SYNPO2: variants seen among roughly 807,000 people sequenced by gnomAD.
SYNPO2 encodes the protein synaptopodin 2.
A neutral mutation model predicts 85.0 loss-of-function variants in SYNPO2; 56 were observed. The ratio of observed to expected loss-of-function variants is 0.66; its 90% confidence interval spans 0.53 to 0.82. The LOEUF (loss-of-function observed/expected upper bound fraction) is 0.82, where lower values mean the gene tolerates loss of function less well. Among genes scored for constraint, SYNPO2 ranks in the 40% least tolerant of loss-of-function variants. The pLI is 0.00. For missense variants in SYNPO2, 1,575 were observed against 1,534.2 expected (o/e 1.03, Z -0.44); for synonymous variants, 602 against 591.1 (o/e 1.02, Z -0.27).
At chr4:118,995,873 TC>T (rs1736568350) in intron 1 of SYNPO2, among the ~76,000 whole-genome samples, 1 of 150,218 alleles carries the variant, frequency 6.7e-6, no homozygotes, top group Admixed American at 6.6e-5. Context: ...TATCTATCTA[TC>T]TATCTATCTA....
intron 1 of SYNPO2, among the ~76,000 whole-genome samples, chr4:118,935,164 CA>C (rs1734058005): frequency 6.6e-6 from 1 of 152,088 alleles, no homozygotes; most frequent in Non-Finnish European, 1.5e-5. Flanking sequence ...ATGATACGGA[CA>C]TAGAGACTCC....
chr4:119,005,724 T>C (rs1050018598), intron 1 of SYNPO2, among the ~76,000 whole-genome samples: 2 of 152,158 alleles, frequency 1.3e-5, no homozygotes, highest in Admixed American at 1.3e-4. Context: ...CTTTTTTGGT[T>C]CCATATGAAC....
chr4:119,057,566 C>T lies in SYNPO2; in HGVS notation c.3418C>T (p.Leu1140Phe), dbSNP rs1328570010. The change falls in exon 5 of 5, where the codon CTC (leucine) becomes TTC (phenylalanine). Residue 1140 changes from leucine (L) to phenylalanine (F), a missense_variant. By Grantham distance (22) the Leu-to-Phe change is conservative (BLOSUM62 0). This residue lies in a region of SYNPO2 where 1,508 missense variants were observed against 1,446.8 expected (regional missense o/e 1.04). Coordinates refer to ENST00000307142, the MANE Select transcript of SYNPO2 (RefSeq NM_133477.3). The stretch of plus-strand genomic sequence containing the variant: ...TTGGGAAGCAGCAGCAAAGTCTCCT[C>T]TCGGTCTAGTGGATGATGCTTTCCA... Reference protein sequence around the residue: ...TPWEAAAKSPLGLVDDAFQPR... With the variant: ...TPWEAAAKSPFGLVDDAFQPR... 4 of 1,614,068 alleles carry T rather than the reference C, an allele frequency of 2.5e-6. No individual in the cohort carries two copies. Among genetic ancestry groups the T allele is most frequent in the Non-Finnish European group, 3.4e-6 (4 of 1,180,032 alleles).
At chr4:118,924,600 A>G (rs756426678) in intron 1 of SYNPO2, among the ~76,000 whole-genome samples, 22 of 152,168 alleles carry the variant, frequency 1.4e-4, no homozygotes, top group Non-Finnish European at 2.5e-4. Context: ...ATCTTTTCAG[A>G]CACTTGACAG....
chr4:118,940,851 C>T (rs956740164), intron 1 of SYNPO2, among the ~76,000 whole-genome samples: 1 of 152,194 alleles, frequency 6.6e-6, no homozygotes, highest in African/African-American at 2.4e-5. Flanking sequence ...TCACCCCCAT[C>T]TCGCTCTGCT....
At chr4:118,871,142 C>A (rs4240322) in intron 1 of SYNPO2, among the ~76,000 whole-genome samples, 130,494 of 152,174 alleles carry the variant, frequency 0.86, 56,067 homozygotes, top group Middle Eastern at 0.93. Flanking sequence ...TATAACAACC[C>A]CTAACAGTGC....
At chr4:118,998,093 T>C (rs1736684584) in intron 1 of SYNPO2, among the ~76,000 whole-genome samples, 1 of 152,236 alleles carries the variant, frequency 6.6e-6, no homozygotes, top group African/African-American at 2.4e-5. Flanking sequence ...CTTGGTTAAC[T>C]GCACTGCTTG....
chr4:119,047,553 GA>G (rs1738908691), intron 4 of SYNPO2, among the ~76,000 whole-genome samples: 1 of 134,664 alleles, frequency 7.4e-6, no homozygotes, highest in Non-Finnish European at 1.6e-5. Flanking sequence ...CCAGTTAGTG[GA>G]GGTAAACTTA....
rs373089369 is a variant in SYNPO2 at position 118,992,057 on chromosome 4, C to T, written c.106-31373C>T. 4.6e-5 allele frequency among the ~76,000 whole-genome samples: 7 copies of T among 152,256 alleles called. No individual in the cohort carries two copies. The East Asian group carries it at 5.8e-4, about 13-fold the overall frequency. On this transcript the variant is annotated intron_variant, in intron 1 of 4. Transcript: ENST00000307142. ...TAGGGAGAACTTCATTGTGGCCTCA[C>T]TTTAGCCTGGAGGAAAAAGAGGGCG... is the stretch of plus-strand genomic sequence containing the variant.
In SYNPO2 at chr4:119,039,197, C is replaced by T. The variant is rs556770681; in HGVS notation, c.3252+7170C>T. Among the ~76,000 whole-genome samples, 5 of 152,254 alleles carry T rather than the reference C, an allele frequency of 3.3e-5. No individual in the cohort carries two copies. The East Asian group carries it at 9.6e-4, about 29-fold the overall frequency. ...GAAAGTATGATGTAGGTACTATTAT[C>T]ATCCCACTTTAAGATGAGAAAATTG... On this transcript the variant is annotated intron_variant, in intron 4 of 4. Transcript: ENST00000307142.
intron 1 of SYNPO2, among the ~76,000 whole-genome samples, chr4:118,860,119 T>C (rs1731582907): frequency 6.6e-6 from 1 of 152,220 alleles, no homozygotes. Context: ...TTAACTGGTG[T>C]GAAATGATAT....
intron 2 of SYNPO2, among the ~76,000 whole-genome samples, chr4:119,024,594 G>A (rs1737861962): frequency 6.6e-6 from 1 of 152,102 alleles, no homozygotes; most frequent in Admixed American, 6.6e-5. Flanking sequence ...CAAACTCAGT[G>A]TTTAAGGCCT....
chr4:118,861,384 G>A (rs574399818), intron 1 of SYNPO2, among the ~76,000 whole-genome samples: 1 of 152,004 alleles, frequency 6.6e-6, no homozygotes, highest in African/African-American at 2.4e-5. Flanking sequence ...TGTTAGCCAC[G>A]ATGGCCTTGA....
In SYNPO2 at chr4:119,040,022, T is replaced by A. The variant is rs957481812; in HGVS notation, c.3252+7995T>A. 2.0e-5 allele frequency among the ~76,000 whole-genome samples: 3 copies of A among 152,324 alleles called. No homozygotes were observed. The South Asian group carries it at 6.2e-4, about 32-fold the overall frequency. ...CTTTAAACAAAGGATTCAGTCGCCC[T>A]GTGCTTCAATACCTCAGCTGTGAAA... is the stretch of plus-strand genomic sequence containing the variant. On this transcript the variant is annotated intron_variant, in intron 4 of 4. Transcript: ENST00000307142.
intron 4 of SYNPO2, among the ~76,000 whole-genome samples, chr4:119,045,907 T>C (rs897779793): frequency 6.6e-6 from 1 of 152,202 alleles, no homozygotes; most frequent in Non-Finnish European, 1.5e-5. Flanking sequence ...AAATTGCTGG[T>C]ATAGTAGTTT....
intron 4 of SYNPO2, among the ~76,000 whole-genome samples, chr4:119,040,905 G>C (rs558402540): frequency 6.6e-6 from 1 of 152,322 alleles, no homozygotes; most frequent in African/African-American, 2.4e-5. Context: ...GGCCTTTTTA[G>C]AGTAATTGAT....
At chr4:119,039,810 A>T (rs550124547) in intron 4 of SYNPO2, among the ~76,000 whole-genome samples, 1 of 151,884 alleles carries the variant, frequency 6.6e-6, no homozygotes, top group East Asian at 1.9e-4. Flanking sequence ...AGAAGACAAG[A>T]CTTTTTTTTA....
At chr4:119,033,789 A>C (rs1456055750) in intron 4 of SYNPO2, 1 of 984,448 alleles carries the variant, frequency 1.0e-6, no homozygotes, top group Non-Finnish European at 1.2e-6. Flanking sequence ...TTCTGATCTA[A>C]ATAATTTCTC....
At chr4:118,885,349 G>A (rs188242895), upstream of SYNPO2, among the ~76,000 whole-genome samples, 234 of 152,254 alleles carry the variant, frequency 1.5e-3, 1 homozygote, top group African/African-American at 5.2e-3. Context: ...AAACAAGCCT[G>A]GAATAGAGAC....
Sources: allele counts gnomAD v4.1 joint callset (sites outside exome capture counted in the v4.1 genomes callset), GRCh38; gene constraint gnomAD v4.1.1; regional missense constraint gnomAD v4.1.1; transcripts MANE v1.5; gene names NCBI Gene and HGNC (gene_info 2026-07-23, HGNC 2026-07-21).